Variants in MARCHF1 observed in about 807,000 individuals in gnomAD.
The protein encoded by MARCHF1 is membrane associated ring-CH-type finger 1.
Under a neutral mutation model 54.2 loss-of-function variants are expected in MARCHF1, and 40 were observed. That is an observed-to-expected ratio of 0.74 (90% CI 0.57 to 0.96). MARCHF1 has a LOEUF of 0.96. Among genes scored for constraint, MARCHF1 ranks in the 40% least tolerant of loss-of-function variants. The pLI, the probability that MARCHF1 is intolerant of heterozygous loss-of-function variation, is 0.00. For missense variants in MARCHF1, 586 were observed against 656.5 expected, an observed-to-expected ratio of 0.89 and a Z score of 1.17; for synonymous variants, 236 against 236.3, an observed-to-expected ratio of 1.00 and a Z score of 0.01.
intron 7 of MARCHF1, among the ~76,000 whole-genome samples, chr4:163,586,206 CAT>C (rs772238640): frequency 2.0e-5 from 3 of 152,108 alleles, no homozygotes; most frequent in Non-Finnish European, 4.4e-5. Context: ...TTAGTCAAAA[CAT>C]AGGTGCACAA....
rs79813313 is a variant in MARCHF1, at chr4:163,730,844, C to A, written c.112-29981G>T. On this transcript the variant is annotated intron_variant, in intron 4 of 9. Coordinates refer to ENST00000514618, the MANE Select transcript of MARCHF1 (RefSeq NM_001394959.1). ...TTCAGTGAGTTCTTAGCATCACAGACCAGTAAAAGTCAATTATGTGTTACT... is the reference window on the plus strand; with the variant it reads ...TTCAGTGAGTTCTTAGCATCACAGAACAGTAAAAGTCAATTATGTGTTACT... Among the ~76,000 whole-genome samples, 3 of 152,204 alleles carry A rather than the reference C, an allele frequency of 2.0e-5. No homozygotes were observed. In the East Asian group the frequency reaches 5.8e-4, roughly 29 times the overall value.
intron 2 of MARCHF1, among the ~76,000 whole-genome samples, chr4:164,008,895 A>G (rs1237697041): frequency 6.6e-6 from 1 of 152,038 alleles, no homozygotes; most frequent in Non-Finnish European, 1.5e-5. Context: ...CTTCAAATAA[A>G]CAACCTAATA....
chr4:163,976,201 T>C (rs61180108), intron 3 of MARCHF1, among the ~76,000 whole-genome samples: 2,172 of 152,248 alleles, frequency 0.014, 22 homozygotes, highest in East Asian at 0.04. Context: ...GGAGAAGCTA[T>C]GGTGGTCATC....
chr4:163,611,056 G>A (rs2110924082), intron 7 of MARCHF1, among the ~76,000 whole-genome samples: 1 of 152,088 alleles, frequency 6.6e-6, no homozygotes, highest in Non-Finnish European at 1.5e-5. Context: ...CTTGCCATGT[G>A]CTTTCATAGT....
At chr4:163,786,857 C>G (rs1173903519) in intron 4 of MARCHF1, among the ~76,000 whole-genome samples, 1 of 151,950 alleles carries the variant, frequency 6.6e-6, no homozygotes, top group South Asian at 2.1e-4. Flanking sequence ...CACCAGGAAT[C>G]CATACAATGT....
chr4:163,560,757 T>C (rs1739441430), intron 8 of MARCHF1, among the ~76,000 whole-genome samples: 1 of 152,170 alleles, frequency 6.6e-6, no homozygotes, highest in Admixed American at 6.5e-5. Context: ...TATTTATCCC[T>C]AAGTATCTAA....
Position 163,572,644 on chromosome 4 carries a change from A to G in MARCHF1, c.1191+13105T>C, listed in dbSNP as rs1739879827. Among the ~76,000 whole-genome samples, 3 of 152,068 alleles carry G rather than the reference A, an allele frequency of 2.0e-5. No homozygotes were observed. The South Asian group carries it at 6.2e-4, about 32-fold the overall frequency. ...GGTCTTTGTGCCACGGGAAGGGAGT[A>G]CAAAGTCCTCGGGAGGGAATTCCTT... On this transcript the variant is annotated intron_variant, in intron 8 of 9. Transcript: ENST00000514618.
At chr4:164,189,424 G>T in intron 1 of MARCHF1, 1 of 686,522 alleles carries the variant, frequency 1.5e-6, no homozygotes, top group South Asian at 1.7e-5. Flanking sequence ...GGAAAATTCT[G>T]ATTTGAAGAA....
intron 1 of MARCHF1, among the ~76,000 whole-genome samples, chr4:164,233,147 G>A (rs945534279): frequency 1.3e-5 from 2 of 151,770 alleles, no homozygotes; most frequent in Non-Finnish European, 2.9e-5. Flanking sequence ...CCCTATATGT[G>A]TTTGTTGAAT....
At chr4:163,885,957 A>G (rs964275111) in intron 3 of MARCHF1, among the ~76,000 whole-genome samples, 1 of 147,826 alleles carries the variant, frequency 6.8e-6, no homozygotes, top group Non-Finnish European at 1.5e-5. Flanking sequence ...ATATATATTT[A>G]TGTATCTATC....
At chr4:163,598,759 C>T (rs927846276) in intron 7 of MARCHF1, among the ~76,000 whole-genome samples, 8 of 152,182 alleles carry the variant, frequency 5.3e-5, no homozygotes, top group African/African-American at 1.9e-4. Flanking sequence ...CCTTACTATA[C>T]ACTACTTTAG....
At chr4:163,538,308 TAAAA>T (rs1297258854) in intron 9 of MARCHF1, among the ~76,000 whole-genome samples, 1 of 135,522 alleles carries the variant, frequency 7.4e-6, no homozygotes, top group African/African-American at 2.7e-5. Context: ...AAGGCAAAAA[TAAAA>T]AAGTAAAATT....
chr4:164,277,196 A>G (rs1439260746), intron 1 of MARCHF1, among the ~76,000 whole-genome samples: 1 of 152,036 alleles, frequency 6.6e-6, no homozygotes, highest in Non-Finnish European at 1.5e-5. Context: ...TAAACATTGC[A>G]GTCCATTATA....
chr4:163,703,184 A>G (rs1275388490), intron 4 of MARCHF1, among the ~76,000 whole-genome samples: 2 of 152,150 alleles, frequency 1.3e-5, no homozygotes, highest in African/African-American at 4.8e-5. Context: ...ACACTGAAAG[A>G]GCTTTCTTTA....
chr4:163,766,354 C>G (rs1183757415), intron 4 of MARCHF1, among the ~76,000 whole-genome samples: 1 of 152,106 alleles, frequency 6.6e-6, no homozygotes, highest in East Asian at 1.9e-4. Context: ...GAAGAGAATG[C>G]TTCACTCCCT....
intron 3 of MARCHF1, among the ~76,000 whole-genome samples, chr4:163,879,694 T>A (rs1750372017): frequency 8.0e-6 from 1 of 125,104 alleles, no homozygotes; most frequent in South Asian, 2.7e-4. Flanking sequence ...GGGGTAAGAT[T>A]ACTGAAAAAA....
At chr4:164,357,405 C>T (rs1360882850) in intron 1 of MARCHF1, among the ~76,000 whole-genome samples, 1 of 151,986 alleles carries the variant, frequency 6.6e-6, no homozygotes, top group Non-Finnish European at 1.5e-5. Context: ...CTCTGGATTC[C>T]CTCTTATAAA....
At chr4:164,128,192 T>C (rs1579557000) in intron 1 of MARCHF1, among the ~76,000 whole-genome samples, 2 of 152,078 alleles carry the variant, frequency 1.3e-5, no homozygotes, top group East Asian at 1.9e-4. Context: ...AATAAGAGAA[T>C]GAATACACAA....
intron 4 of MARCHF1, among the ~76,000 whole-genome samples, chr4:163,838,910 C>T (rs1161838904): frequency 6.6e-6 from 1 of 151,974 alleles, no homozygotes; most frequent in East Asian, 1.9e-4. Context: ...AGTTGGATTT[C>T]ATCAAAGTGA....
Sources: gnomAD v4.1 joint callset for allele counts (sites outside exome capture counted in the v4.1 genomes callset) on GRCh38, gnomAD v4.1.1 for gene constraint, MANE v1.5 for transcripts, NCBI Gene and HGNC (gene_info 2026-07-23, HGNC 2026-07-21) for gene names.